The following EFR3B variants were observed in gnomAD, a reference collection of about 807,000 sequenced individuals.
The protein encoded by EFR3B is protein EFR3 homolog B.
A neutral mutation model predicts 104.7 loss-of-function variants in EFR3B; 64 were observed. That is an observed-to-expected ratio of 0.61 (90% CI 0.50 to 0.75). The LOEUF (loss-of-function observed/expected upper bound fraction) is 0.75, where lower values mean the gene tolerates loss of function less well. Among genes scored for constraint, EFR3B ranks in the 30% least tolerant of loss-of-function variants. EFR3B has a pLI of 0.00. For missense variants in EFR3B, 750 were observed against 1,078.5 expected, an observed-to-expected ratio of 0.70 and a Z score of 4.27; for synonymous variants, 385 against 417.9, an observed-to-expected ratio of 0.92 and a Z score of 0.96.
At chr2:25,152,161 T>G in intron 21 of EFR3B, 141 bp downstream of exon 21, 2 of 795,352 alleles carry the variant, frequency 2.5e-6, no homozygotes, top group East Asian at 2.8e-5. Context: ...ACATCAGGGC[T>G]TGTATTCCAA....
At chr2:25,078,553 A>G (rs1459793583) in intron 1 of EFR3B, among the ~76,000 whole-genome samples, 1 of 152,210 alleles carries the variant, frequency 6.6e-6, no homozygotes, top group East Asian at 1.9e-4. Context: ...ACGCTGTTCA[A>G]AGGCAGGTGA....
chr2:25,148,742 G>A (rs903937632), intron 19 of EFR3B, among the ~76,000 whole-genome samples: 5 of 149,910 alleles, frequency 3.3e-5, no homozygotes, highest in Admixed American at 2.6e-4. Flanking sequence ...CTAAAACGGT[G>A]AAACCCCGTC....
chr2:25,055,430 G>C (rs1313028863), intron 1 of EFR3B, among the ~76,000 whole-genome samples: 2 of 152,106 alleles, frequency 1.3e-5, no homozygotes, highest in African/African-American at 4.8e-5. Context: ...CTGACCGAGA[G>C]GTTTGTCTAT....
At chr2:25,122,122 A>G (rs534303166) in intron 5 of EFR3B, among the ~76,000 whole-genome samples, 1 of 151,982 alleles carries the variant, frequency 6.6e-6, no homozygotes, top group African/African-American at 2.4e-5. Flanking sequence ...GTGCACCACC[A>G]CGCCCGGCTA....
At chr2:25,117,906 C>T (rs567351092) in intron 4 of EFR3B, among the ~76,000 whole-genome samples, 1 of 152,208 alleles carries the variant, frequency 6.6e-6, no homozygotes, top group Non-Finnish European at 1.5e-5. Context: ...ATTTCCACTC[C>T]CCGCAGCCCC....
chr2:25,059,596 G>A (rs574368953), intron 1 of EFR3B, among the ~76,000 whole-genome samples: 1 of 147,582 alleles, frequency 6.8e-6, no homozygotes. Context: ...GTGGAGATTG[G>A]GGAATTGTTG....
At chr2:25,082,512 C>T (rs1477719032) in intron 1 of EFR3B, among the ~76,000 whole-genome samples, 1 of 152,242 alleles carries the variant, frequency 6.6e-6, no homozygotes, top group Admixed American at 6.5e-5. Context: ...GAACTTTTCC[C>T]TGAAGTTCCC....
intron 3 of EFR3B, 22 bp downstream of exon 3, chr2:25,093,152 G>T (rs1239391948): frequency 6.4e-6 from 10 of 1,550,636 alleles, no homozygotes; most frequent in Non-Finnish European, 8.7e-7. Flanking sequence ...GGAAGAGAGG[G>T]AGAGAGATTG....
chr2:25,056,199 A>T (rs1232688409), intron 1 of EFR3B, among the ~76,000 whole-genome samples: 1 of 152,160 alleles, frequency 6.6e-6, no homozygotes, highest in Admixed American at 6.5e-5. Flanking sequence ...TAAATAAAGA[A>T]TATATTAGAA....
At chr2:25,121,850 G>A (rs1195834402) in intron 5 of EFR3B, 56 bp downstream of exon 5, 2 of 1,548,860 alleles carry the variant, frequency 1.3e-6, no homozygotes, top group African/African-American at 1.4e-5. Flanking sequence ...GCAACGGTGG[G>A]TCCTGTAGAT....
At position 25,149,737 on chromosome 2, in the gene EFR3B, C is replaced by A; in HGVS notation, c.2186C>A (p.Ala729Asp). The A allele has an allele frequency of 1.3e-6, 2 of 1,551,500 alleles. No homozygotes were observed. The highest frequency in any genetic ancestry group is 1.4e-5 in the African/African-American group (1 of 73,152). ...ATCACCTATGAGACACTGAAGAAAG[C>A]CATTGGTAAGTCAGGGCAAAGGGAC... ...EEITYETLKK[A>D]IVDSVAVEEQ... Residue 729 changes from alanine to aspartate, a missense_variant, in exon 20 of 23, where the codon GCC becomes GAC. Ala to Asp is a moderately radical substitution (Grantham distance 126). Coordinates refer to ENST00000403714, the MANE Select transcript of EFR3B (RefSeq NM_014971.2).
intron 1 of EFR3B, among the ~76,000 whole-genome samples, chr2:25,051,946 A>T (rs1343306237): frequency 4.7e-5 from 7 of 150,298 alleles, no homozygotes; most frequent in African/African-American, 1.7e-4. Flanking sequence ...CTGTAATCCC[A>T]GCCCTTTGGG....
chr2:25,125,572 A>G (rs1224977738), intron 5 of EFR3B, among the ~76,000 whole-genome samples: 3 of 152,158 alleles, frequency 2.0e-5, no homozygotes, highest in Non-Finnish European at 4.4e-5. Context: ...GGGCCAGGGT[A>G]TCCTGTTTCT....
chr2:25,138,983 G>A, intron 15 of EFR3B, 76 bp from the exon 16 acceptor site: 3 of 1,519,140 alleles, frequency 2.0e-6, no homozygotes, highest in Non-Finnish European at 2.7e-6. Flanking sequence ...AGATTGGGAA[G>A]AGGTCGGGTG....
At chr2:25,151,794 C>T in intron 20 of EFR3B, 120 bp from the exon 21 acceptor site, 1 of 1,144,634 alleles carries the variant, frequency 8.7e-7, no homozygotes, top group Non-Finnish European at 1.2e-6. Context: ...CGCCACTGTC[C>T]CCTACTCTTC....
chr2:25,157,471 G>C lies in EFR3B; in HGVS notation c.*3131G>C, dbSNP rs149068018. ...TGAGTCCTGCCCTTCCAAGCCCCTG[G>C]AGGCTAGTGGCATTGCATTGTGCCC... On this transcript the variant is annotated 3_prime_UTR_variant, in exon 23 of 23. Transcript: ENST00000403714. 2.6e-5 allele frequency: 4 copies of C among 152,352 alleles called. No individual in the cohort carries two copies. In the East Asian group the frequency reaches 7.7e-4, roughly 29 times the overall value. 9.4% of individuals were successfully genotyped at this position (152,352 alleles called of 1,614,324 possible).
intron 17 of EFR3B, among the ~76,000 whole-genome samples, chr2:25,142,494 T>C (rs1670696876): frequency 6.7e-6 from 1 of 148,324 alleles, no homozygotes; most frequent in African/African-American, 2.5e-5. Flanking sequence ...CTTATGCCTA[T>C]GTAATCCCAG....
Position 25,103,709 on chromosome 2 carries a change from C to T in EFR3B, c.285C>T (p.Phe95=), listed in dbSNP as rs376227733. The T allele has an allele frequency of 5.7e-5, 88 of 1,551,608 alleles. 1 individual carries two copies. The highest frequency in any genetic ancestry group is 2.7e-4 in the South Asian group (23 of 84,066). Residue 95 remains phenylalanine (F), a synonymous_variant, in exon 4 of 23, where the codon TTC becomes TTT. Transcript: ENST00000403714. ...GCCACTGCCAGAGCATCAACCTCTT[C>T]GTGGAGAGCTTCCTCAAGATGGTGG... The part of the protein sequence containing the change: ...MACHCQSINL[F]VESFLKMVAK...
chr2:25,135,335 G>A (rs1423980823), intron 12 of EFR3B, 132 bp from the exon 13 acceptor site: 3 of 1,044,046 alleles, frequency 2.9e-6, no homozygotes, highest in African/African-American at 1.6e-5. Context: ...GTAGGGTAGG[G>A]GAGGCTGGAT....
Sources: allele counts gnomAD v4.1 joint callset (sites outside exome capture counted in the v4.1 genomes callset), GRCh38; gene constraint gnomAD v4.1.1; transcripts MANE v1.5; gene names NCBI Gene and HGNC (gene_info 2026-07-23, HGNC 2026-07-21).